Variants in ESPL1 observed in about 807,000 individuals in gnomAD.
The protein encoded by ESPL1 is extra spindle pole bodies like 1, separase.
Under a neutral mutation model 217.2 loss-of-function variants are expected in ESPL1, and 50 were observed. The observed-to-expected ratio is 0.23, with a 90% CI of 0.18 to 0.29. The LOEUF (loss-of-function observed/expected upper bound fraction) is 0.29, where lower values mean the gene tolerates loss of function less well. Among genes scored for constraint, ESPL1 ranks in the 10% least tolerant of loss-of-function variants. The probability of loss-of-function intolerance (pLI) is 1.00; values close to 1 mark genes in which losing one functional copy is unlikely to be tolerated. For synonymous variants in ESPL1, 994 were observed against 1,081.3 expected (o/e 0.92, Z 1.58); for missense variants, 1,834 against 2,603.0 (o/e 0.70, Z 6.43).
At chr12:53,287,846 A>T in intron 18 of ESPL1, 126 bp from the exon 19 acceptor site, 1 of 898,230 alleles carries the variant, frequency 1.1e-6, no homozygotes, top group Non-Finnish European at 1.7e-6. Context: ...GTGAGAAGTT[A>T]GTTCTGAAAT....
Position 53,289,505 on chromosome 12 carries a change from G to A in ESPL1, c.5024G>A (p.Arg1675His), listed in dbSNP as rs763548913. The change falls in exon 22 of 31, where the codon CGC (arginine) becomes CAC (histidine). Residue 1675 changes from arginine (R) to histidine (H), a missense_variant. Physicochemically the swap from Arg to His is conservative, Grantham distance 29. Coordinates refer to ENST00000257934, the MANE Select transcript of ESPL1 (RefSeq NM_012291.5). ...GATGTCCCCCTGGCCCGCATCCAGC[G>A]CCTCTTTTCCTTCAGGGCTTTGGAA... Reference protein sequence around the residue: ...PGDVPLARIQRLFSFRALESG... With the variant: ...PGDVPLARIQHLFSFRALESG... The A allele has an allele frequency of 3.6e-5, 58 of 1,614,040 alleles. No individual in the cohort carries two copies. Among genetic ancestry groups the A allele is most frequent in the Non-Finnish European group, 4.2e-5 (49 of 1,180,028 alleles).
chr12:53,282,844 G>A lies in ESPL1; in HGVS notation c.2792-285G>A, dbSNP rs951484634. 1.3e-5 allele frequency among the ~76,000 whole-genome samples: 2 copies of A among 152,166 alleles called. No individual in the cohort carries two copies. Among genetic ancestry groups the A allele is most frequent in the South Asian group, 4.1e-4 (2 of 4,834 alleles). ...AATTTTTGTATTATTAGTAGAGGTG[G>A]GGTTTCACCATGTTGGCCAGGCTGG... On this transcript the variant is annotated intron_variant, in intron 14 of 30. Coordinates refer to ENST00000257934, the MANE Select transcript of ESPL1 (RefSeq NM_012291.5). The surrounding 1 kb of genome is among the most constrained non-coding windows in gnomAD (Gnocchi z 4.0).
chr12:53,270,313 C>G, intron 3 of ESPL1, 65 bp from the exon 4 acceptor site: 3 of 1,209,392 alleles, frequency 2.5e-6, no homozygotes, highest in East Asian at 2.3e-5. Context: ...GACTCCGGGT[C>G]AGTCTTCAGC....
chr12:53,293,589 A>G lies in ESPL1; in HGVS notation c.*115A>G. ...TGATTTTCCCCAGTGTTTTATATGA[A>G]ACATTTCCTTTTGATTTAACCTCAG... On this transcript the variant is annotated 3_prime_UTR_variant, in exon 31 of 31. Coordinates refer to ENST00000257934, the MANE Select transcript of ESPL1 (RefSeq NM_012291.5). This position sits in a 1 kb window ranked among gnomAD's most constrained non-coding sequence, Gnocchi z 4.2. The G allele has an allele frequency of 1.3e-6, 1 of 789,522 alleles. No individual in the cohort carries two copies. Among genetic ancestry groups the G allele is most frequent in the Non-Finnish European group, 2.1e-6 (1 of 485,842 alleles). The allele number at this position is 789,522 out of a possible 1,614,324, so 48.9% of individuals were successfully genotyped here. A position where few individuals can be genotyped will look rare whatever the true frequency, so the allele number is the denominator to read the frequency against.
At chr12:53,274,630 T>A (rs1409894412) in intron 6 of ESPL1, among the ~76,000 whole-genome samples, 187 bp from the exon 7 acceptor site, 1 of 152,162 alleles carries the variant, frequency 6.6e-6, no homozygotes, top group Admixed American at 6.5e-5. Flanking sequence ...TTGCAGCCTC[T>A]GAGTTGAAGG....
At chr12:53,289,732 A>G (rs1414199700) in intron 22 of ESPL1, 138 bp downstream of exon 22, 2 of 715,640 alleles carry the variant, frequency 2.8e-6, no homozygotes, top group Non-Finnish European at 2.2e-6. Flanking sequence ...ACCTGTTAGC[A>G]TCTTACATCA....
chr12:53,274,740 A>C, intron 6 of ESPL1, 77 bp from the exon 7 acceptor site: 1 of 1,218,690 alleles, frequency 8.2e-7, no homozygotes, highest in Non-Finnish European at 1.2e-6. Context: ...GTATGTACCT[A>C]TTGCATGCAT....
intron 6 of ESPL1, 87 bp from the exon 7 acceptor site, chr12:53,274,730 G>A (rs553137940): frequency 7.8e-5 from 88 of 1,129,164 alleles, no homozygotes; most frequent in East Asian, 1.7e-4. Flanking sequence ...CTCATGTGGT[G>A]TATGTACCTA....
intron 11 of ESPL1, among the ~76,000 whole-genome samples, chr12:53,278,831 C>T (rs1032563700): frequency 2.0e-5 from 3 of 152,056 alleles, no homozygotes; most frequent in Non-Finnish European, 2.9e-5. Flanking sequence ...GGTGATCCAC[C>T]CGCCTCAGCC....
chr12:53,287,960 C>T lies in ESPL1; in HGVS notation c.4177-12C>T. The T allele has an allele frequency of 6.3e-7, 1 of 1,580,228 alleles. No individual in the cohort carries two copies. The highest frequency in any genetic ancestry group is 8.6e-7 in the Non-Finnish European group (1 of 1,163,364). On this transcript the variant is annotated splice_polypyrimidine_tract_variant and intron_variant, in intron 18 of 30. Coordinates refer to ENST00000257934, the MANE Select transcript of ESPL1 (RefSeq NM_012291.5). ...GACCTCTTAGCCCTTCACCCTTTCA[C>T]TCTGATCTCAGGTGAACTTCAGTGA... is the stretch of plus-strand genomic sequence containing the variant.
chr12:53,287,083 G>GT (rs1943961691), intron 18 of ESPL1, among the ~76,000 whole-genome samples, 171 bp downstream of exon 18: 2 of 152,092 alleles, frequency 1.3e-5, no homozygotes, highest in South Asian at 4.2e-4. Context: ...GTTTTTTGTT[G>GT]TTTTTTTGAG....
rs1943647713 is a variant in ESPL1, at chr12:53,270,389, C to A, written c.1155C>A (p.Gly385=). 6.2e-7 allele frequency: 1 copy of A among 1,611,862 alleles called. No individual in the cohort carries two copies. The highest frequency in any genetic ancestry group is 2.2e-5 in the East Asian group (1 of 44,872). The part of the protein sequence containing the change: ...QQLRDDGVYG[G]SSKQQQSFLQ... ...GCTTCCTTCCTCAGGTGTATGGGGG[C>A]TCCTCCAAGCAACAGCAGTCTTTTC... The change falls in exon 4 of 31, where the codon GGC becomes GGA. Residue 385 remains glycine (G), a synonymous_variant. Coordinates refer to ENST00000257934, the MANE Select transcript of ESPL1 (RefSeq NM_012291.5).
chr12:53,274,725 G>A, intron 6 of ESPL1, 92 bp from the exon 7 acceptor site: 6 of 1,039,188 alleles, frequency 5.8e-6, no homozygotes, highest in Non-Finnish European at 7.3e-6. Context: ...GCCCCCTCAT[G>A]TGGTGTATGT....
intron 12 of ESPL1, among the ~76,000 whole-genome samples, chr12:53,280,863 C>T (rs576265413): frequency 5.9e-5 from 9 of 151,748 alleles, no homozygotes; most frequent in African/African-American, 1.9e-4. Context: ...TATGGTGGCG[C>T]ATGCCCGTAA....
At chr12:53,276,494 AT>A in intron 7 of ESPL1, 125 bp from the exon 8 acceptor site, 1 of 1,122,798 alleles carries the variant, frequency 8.9e-7, no homozygotes, top group Non-Finnish European at 1.2e-6. Flanking sequence ...TCTGATTTAA[AT>A]TTTTAAAGCC....
chr12:53,282,201 G>T lies in ESPL1; in HGVS notation c.2620-63G>T, dbSNP rs534727767. The T allele has an allele frequency of 7.0e-6, 10 of 1,418,842 alleles. No homozygotes were observed. In the East Asian group the frequency reaches 2.3e-4, roughly 33 times the overall value. 87.9% of individuals were successfully genotyped at this position (1,418,842 alleles called of 1,614,324 possible). A position where few individuals can be genotyped will look rare whatever the true frequency, so the allele number is the denominator to read the frequency against. ...GGGATGGGGCCACGTAATCTCCAGG[G>T]CCTCTCAAGCTCTGGAGTGCCTGAC... On this transcript the variant is annotated intron_variant, in intron 13 of 30. Transcript: ENST00000257934. The surrounding 1 kb of genome is among the most constrained non-coding windows in gnomAD (Gnocchi z 4.0).
chr12:53,293,171 G>T lies in ESPL1; in HGVS notation c.6162-102G>T. ...CCAAGGGCCAAAGGAGTTTCTCATT[G>T]GTTCAATCCTCTCCACTCACCCACC... On this transcript the variant is annotated intron_variant, in intron 30 of 30. Coordinates refer to ENST00000257934, the MANE Select transcript of ESPL1 (RefSeq NM_012291.5). The surrounding 1 kb of genome is among the most constrained non-coding windows in gnomAD (Gnocchi z 4.2). The T allele has an allele frequency of 9.1e-7, 1 of 1,096,336 alleles. No homozygotes were observed. Among genetic ancestry groups the T allele is most frequent in the Non-Finnish European group, 1.4e-6 (1 of 731,682 alleles). 67.9% of individuals were successfully genotyped at this position (1,096,336 alleles called of 1,614,324 possible). A position where few individuals can be genotyped will look rare whatever the true frequency, so the allele number is the denominator to read the frequency against.
At position 53,286,972 on chromosome 12, in the gene ESPL1, A is replaced by G; in HGVS notation, c.4176+60A>G. Reference sequence around the variant, plus strand: ...TGTTGGATGGGGTTAGTCCTGGAGGAGAGTGTTTTATAGAGCAGGTGTCCC... The same window carrying G: ...TGTTGGATGGGGTTAGTCCTGGAGGGGAGTGTTTTATAGAGCAGGTGTCCC... On this transcript the variant is annotated intron_variant, in intron 18 of 30. Transcript: ENST00000257934. This position sits in a 1 kb window ranked among gnomAD's most constrained non-coding sequence, Gnocchi z 5.3. 1 of 1,507,438 alleles carries G rather than the reference A, an allele frequency of 6.6e-7. No homozygotes were observed. Among genetic ancestry groups the G allele is most frequent in the Admixed American group, 2.2e-5 (1 of 46,200 alleles). 93.4% of individuals were successfully genotyped at this position (1,507,438 alleles called of 1,614,324 possible).
In ESPL1 at chr12:53,288,455, C is replaced by T. The variant is rs1339592244; in HGVS notation, c.4547-83C>T. ...CAGGAAGAATGTTCTTTTGCTGACT[C>T]TAAGGGAGTGGATTACAGAAGGAAG... On this transcript the variant is annotated intron_variant, in intron 19 of 30. Transcript: ENST00000257934. 1.4e-5 allele frequency: 21 copies of T among 1,547,922 alleles called. No homozygotes were observed. The East Asian group carries it at 4.3e-4, about 32-fold the overall frequency.
Sources: gnomAD v4.1 joint callset for allele counts (sites outside exome capture counted in the v4.1 genomes callset) on GRCh38, gnomAD v4.1.1 for gene constraint, Gnocchi (gnomAD v3.1) non-coding constraint, MANE v1.5 for transcripts, NCBI Gene and HGNC (gene_info 2026-07-23, HGNC 2026-07-21) for gene names.